The following COL4A1 variants were observed in gnomAD, a reference collection of about 807,000 sequenced individuals.
COL4A1 encodes collagen type IV alpha 1 chain.
A neutral mutation model predicts 216.6 loss-of-function variants in COL4A1; 40 were observed. That is an observed-to-expected ratio of 0.18 (90% CI 0.14 to 0.24). The LOEUF (loss-of-function observed/expected upper bound fraction) is 0.24. Ranked by LOEUF, COL4A1 falls within the 10% of genes least tolerant of loss-of-function variation. COL4A1 has a pLI of 1.00. For missense variants in COL4A1, 1,628 were observed against 2,196.8 expected (o/e 0.74, Z 5.18); for synonymous variants, 839 against 810.7 (o/e 1.03, Z -0.59).
intron 2 of COL4A1, among the ~76,000 whole-genome samples, chr13:110,226,475 A>G (rs1880742008): frequency 1.3e-5 from 2 of 152,240 alleles, no homozygotes; most frequent in Non-Finnish European, 2.9e-5. Context: ...ATCACTGATA[A>G]CATTTTCCCC....
At chr13:110,204,722 G>C (rs1879410350) in intron 17 of COL4A1, among the ~76,000 whole-genome samples, 1 of 149,662 alleles carries the variant, frequency 6.7e-6, no homozygotes, top group Admixed American at 6.7e-5. Context: ...GGGGCAATTT[G>C]GTTGCATGTG....
intron 2 of COL4A1, among the ~76,000 whole-genome samples, chr13:110,218,627 C>T (rs1202484966): frequency 3.3e-5 from 5 of 152,226 alleles, no homozygotes; most frequent in Non-Finnish European, 5.9e-5. Context: ...ATTCCACATA[C>T]GAATCCTAAA....
At chr13:110,167,051 C>T in intron 44 of COL4A1, 107 bp downstream of exon 44, 1 of 887,152 alleles carries the variant, frequency 1.1e-6, no homozygotes. Context: ...GTATCTCGTG[C>T]TATAATGGCA....
At chr13:110,213,127 T>C (rs889980370) in intron 4 of COL4A1, among the ~76,000 whole-genome samples, 1 of 152,008 alleles carries the variant, frequency 6.6e-6, no homozygotes, top group African/African-American at 2.4e-5. Context: ...GGGGGAAGGC[T>C]GGAAGGAGGT....
Position 110,186,530 on chromosome 13 carries a change from C to T in COL4A1, c.1752G>A (p.Glu584=), listed in dbSNP as rs765423555. The T allele has an allele frequency of 1.5e-5, 24 of 1,613,910 alleles. No homozygotes were observed. Among genetic ancestry groups the T allele is most frequent in the Non-Finnish European group, 1.9e-5 (23 of 1,180,018 alleles). ...ATCCAACTCCTCCAGGGGGGCCACG[C>T]TCTCCTTTCAATCCTACAGAACCCT... The part of the protein sequence containing the change: ...GSPGSVGLKG[E]RGPPGGVGFP... The change falls in exon 26 of 52, where the codon GAG becomes GAA. Residue 584 remains glutamate, a synonymous_variant. Coordinates refer to ENST00000375820, the MANE Select transcript of COL4A1 (RefSeq NM_001845.6).
chr13:110,301,577 G>A (rs1884494434), intron 1 of COL4A1, among the ~76,000 whole-genome samples: 1 of 152,128 alleles, frequency 6.6e-6, no homozygotes, highest in African/African-American at 2.4e-5. Context: ...AATTTAGGCT[G>A]GATTTTTTAA....
chr13:110,288,992 C>T (rs549211148), intron 1 of COL4A1, among the ~76,000 whole-genome samples: 6 of 152,210 alleles, frequency 3.9e-5, no homozygotes, highest in African/African-American at 4.8e-5. Context: ...GAGCCAAGAT[C>T]GTGCCACTGC....
intron 2 of COL4A1, among the ~76,000 whole-genome samples, chr13:110,228,046 C>T (rs932593217): frequency 6.6e-6 from 1 of 152,192 alleles, no homozygotes; most frequent in Non-Finnish European, 1.5e-5. Flanking sequence ...AAGAGGTGCC[C>T]GGTGACAGGT....
chr13:110,175,390 G>A, intron 36 of COL4A1, 33 bp from the exon 37 acceptor site: 1 of 1,613,612 alleles, frequency 6.2e-7, no homozygotes, highest in East Asian at 2.2e-5. Flanking sequence ...CTTGATTTGG[G>A]CTTAGCTAGT....
chr13:110,188,725 T>A (rs1878504123), intron 24 of COL4A1, among the ~76,000 whole-genome samples: 1 of 152,206 alleles, frequency 6.6e-6, no homozygotes, highest in African/African-American at 2.4e-5. Flanking sequence ...GAAGGACTTC[T>A]GTGTCCTGCT....
chr13:110,162,752 T>C (rs1209770675), intron 47 of COL4A1, among the ~76,000 whole-genome samples: 1 of 152,192 alleles, frequency 6.6e-6, no homozygotes, highest in African/African-American at 2.4e-5. Flanking sequence ...AAAATGGATA[T>C]ATGAATAAAT....
chr13:110,204,648 ATT>A (rs377187830), intron 17 of COL4A1, among the ~76,000 whole-genome samples: 1 of 142,972 alleles, frequency 7.0e-6, no homozygotes, highest in Admixed American at 7.0e-5. Context: ...TATTTTTTAG[ATT>A]TTTTTTTTTT....
At chr13:110,193,690 C>A (rs1222769980) in intron 22 of COL4A1, among the ~76,000 whole-genome samples, 1 of 152,248 alleles carries the variant, frequency 6.6e-6, no homozygotes, top group East Asian at 1.9e-4. Context: ...ACTGCTATTG[C>A]CCACTCTGCC....
intron 2 of COL4A1, among the ~76,000 whole-genome samples, chr13:110,225,522 G>T (rs1399536736): frequency 6.6e-6 from 1 of 152,212 alleles, no homozygotes; most frequent in African/African-American, 2.4e-5. Context: ...AGCAGAGGTT[G>T]CAGTGAGCCG....
At chr13:110,296,186 C>A (rs911445938) in intron 1 of COL4A1, among the ~76,000 whole-genome samples, 25 of 152,228 alleles carry the variant, frequency 1.6e-4, no homozygotes, top group African/African-American at 6.0e-4. Flanking sequence ...GAGATTCTGC[C>A]ACCACCTACG....
intron 1 of COL4A1, among the ~76,000 whole-genome samples, chr13:110,301,954 G>A (rs1360490117): frequency 6.6e-6 from 1 of 152,202 alleles, no homozygotes; most frequent in Non-Finnish European, 1.5e-5. Flanking sequence ...CCATAACTTA[G>A]GGAATTGAGG....
Position 110,212,635 on chromosome 13 carries a change from A to C in COL4A1, c.280-17T>G, listed in dbSNP as rs746901733. On this transcript the variant is annotated splice_polypyrimidine_tract_variant and intron_variant, in intron 4 of 51. Coordinates refer to ENST00000375820, the MANE Select transcript of COL4A1 (RefSeq NM_001845.6). ...CGGAGGTCCCTGTGAGGGCGGAAGT[A>C]AAAGCGTGTCAGTGAAGAGCCGGGA... is the stretch of plus-strand genomic sequence containing the variant. The C allele has an allele frequency of 6.2e-7, 1 of 1,613,576 alleles. No individual in the cohort carries two copies. The highest frequency in any genetic ancestry group is 1.1e-5 in the South Asian group (1 of 91,070).
chr13:110,166,370 A>G (rs756619896), intron 44 of COL4A1, 67 bp from the exon 45 acceptor site: 14 of 997,066 alleles, frequency 1.4e-5, no homozygotes, highest in Non-Finnish European at 2.3e-5. Context: ...GTGTGTGTAT[A>G]TATCTCTCTC....
intron 24 of COL4A1, among the ~76,000 whole-genome samples, chr13:110,189,030 A>ATTTGTT (rs778081154): frequency 1.3e-5 from 2 of 152,072 alleles, no homozygotes; most frequent in African/African-American, 2.4e-5. Flanking sequence ...CAGTGACTAC[A>ATTTGTT]TTTGTTTTTG....
Sources: gnomAD v4.1 joint callset for allele counts (sites outside exome capture counted in the v4.1 genomes callset) on GRCh38, gnomAD v4.1.1 for gene constraint, MANE v1.5 for transcripts, NCBI Gene and HGNC (gene_info 2026-07-23, HGNC 2026-07-21) for gene names.